Variants in PELI2 observed in about 807,000 individuals in gnomAD.
PELI2 encodes the protein E3 ubiquitin-protein ligase pellino homolog 2.
In PELI2, 23 loss-of-function variants were observed where a neutral mutation model predicts 42.3. The observed-to-expected ratio is 0.54, with a 90% CI of 0.39 to 0.77. The LOEUF (loss-of-function observed/expected upper bound fraction) is 0.77. PELI2 is among the 30% of genes least tolerant of loss of function. The probability of loss-of-function intolerance (pLI) is 0.00; values close to 1 mark genes in which losing one functional copy is unlikely to be tolerated. For synonymous variants in PELI2, 245 were observed against 212.2 expected (o/e 1.15, Z -1.34); for missense variants, 463 against 553.2 (o/e 0.84, Z 1.64).
intron 1 of PELI2, among the ~76,000 whole-genome samples, chr14:56,155,247 T>C (rs930478205): frequency 8.5e-5 from 13 of 152,098 alleles, no homozygotes; most frequent in African/African-American, 3.1e-4. Context: ...TGGGTTTTTT[T>C]TTTTGGTTAA....
chr14:56,189,698 C>G (rs557880559), intron 2 of PELI2, among the ~76,000 whole-genome samples: 1 of 152,280 alleles, frequency 6.6e-6, no homozygotes, highest in South Asian at 2.1e-4. Flanking sequence ...AACATTTGTA[C>G]TTACTTATTG....
At chr14:56,275,837 G>A (rs967100500) in intron 2 of PELI2, among the ~76,000 whole-genome samples, 20 of 152,288 alleles carry the variant, frequency 1.3e-4, no homozygotes, top group Middle Eastern at 3.4e-3. Context: ...ATGTTAAAGA[G>A]CTTTCTAAAT....
At chr14:56,283,023 T>C (rs537324681) in intron 3 of PELI2, among the ~76,000 whole-genome samples, 60 of 152,356 alleles carry the variant, frequency 3.9e-4, no homozygotes, top group African/African-American at 1.4e-3. Context: ...GTACCTGTTA[T>C]AGGTAAGTCA....
Position 56,134,288 on chromosome 14 carries a change from T to G in PELI2, c.77+15551T>G, listed in dbSNP as rs181844746. 2.7e-3 allele frequency among the ~76,000 whole-genome samples: 416 copies of G among 152,332 alleles called. 1 individual carries two copies. The highest frequency in any genetic ancestry group is 7.3e-3 in the Admixed American group (112 of 15,302). Reference sequence around the variant, plus strand: ...AAATGATCTTTCTTAGTATGTAGTATTAAAGTCTCCCCAGAAAAATCAACA... The same window carrying G: ...AAATGATCTTTCTTAGTATGTAGTAGTAAAGTCTCCCCAGAAAAATCAACA... On this transcript the variant is annotated intron_variant, in intron 1 of 5. Transcript: ENST00000267460.
intron 1 of PELI2, among the ~76,000 whole-genome samples, chr14:56,141,436 G>GT (rs941447861): frequency 3.9e-5 from 6 of 152,198 alleles, no homozygotes; most frequent in South Asian, 2.1e-4. Context: ...GGTCTGTTAG[G>GT]TTTTTTCTGA....
At chr14:56,198,559 A>C (rs1475751754) in intron 2 of PELI2, among the ~76,000 whole-genome samples, 1 of 152,192 alleles carries the variant, frequency 6.6e-6, no homozygotes, top group African/African-American at 2.4e-5. Context: ...ATGGTGGCTA[A>C]GGCAAATCTG....
intron 1 of PELI2, among the ~76,000 whole-genome samples, chr14:56,120,764 G>A (rs1883031675): frequency 6.6e-6 from 1 of 152,222 alleles, no homozygotes; most frequent in Non-Finnish European, 1.5e-5. Context: ...AAGTTCTGAA[G>A]AGGAGTTGAT....
At chr14:56,238,748 A>G (rs1887880131) in intron 2 of PELI2, among the ~76,000 whole-genome samples, 1 of 152,226 alleles carries the variant, frequency 6.6e-6, no homozygotes, top group Admixed American at 6.5e-5. Context: ...CGAAGCTTGT[A>G]TCTAAAAGCC....
chr14:56,214,469 A>G (rs1886827647), intron 2 of PELI2, among the ~76,000 whole-genome samples: 1 of 152,186 alleles, frequency 6.6e-6, no homozygotes, highest in Non-Finnish European at 1.5e-5. Context: ...CTTTGGTAGA[A>G]CATCCTTAAT....
Position 56,139,922 on chromosome 14 carries a change from C to T in PELI2, c.77+21185C>T, listed in dbSNP as rs1307765154. Among the ~76,000 whole-genome samples the T allele has an allele frequency of 4.3e-5, 6 of 139,878 alleles. No homozygotes were observed. The East Asian group carries it at 1.3e-3, about 31-fold the overall frequency. The allele number at this position is 139,878 out of a possible 152,430, so 91.8% of individuals were successfully genotyped here. On this transcript the variant is annotated intron_variant, in intron 1 of 5. Coordinates refer to ENST00000267460, the MANE Select transcript of PELI2 (RefSeq NM_021255.3). ...AGGTGAGATTTTAGTATTTGAAGTT[C>T]GTCATTTGTAGGGCAGCTCATTGCT...
intron 2 of PELI2, among the ~76,000 whole-genome samples, chr14:56,262,868 T>C (rs1014969256): frequency 6.6e-6 from 1 of 152,236 alleles, no homozygotes; most frequent in Non-Finnish European, 1.5e-5. Context: ...AGTTTTAATA[T>C]AGAATATGCT....
chr14:56,239,750 T>C (rs1203095036), intron 2 of PELI2, among the ~76,000 whole-genome samples: 1 of 152,098 alleles, frequency 6.6e-6, no homozygotes, highest in Non-Finnish European at 1.5e-5. Context: ...AAAGCACTGG[T>C]GATTTGGGAA....
intron 2 of PELI2, among the ~76,000 whole-genome samples, chr14:56,217,310 G>C (rs1886942642): frequency 6.6e-6 from 1 of 152,222 alleles, no homozygotes; most frequent in African/African-American, 2.4e-5. Context: ...CAGGCCTGTG[G>C]GCAGATCCTG....
At chr14:56,171,868 T>C (rs976629529) in intron 1 of PELI2, among the ~76,000 whole-genome samples, 12 of 151,932 alleles carry the variant, frequency 7.9e-5, no homozygotes, top group Non-Finnish European at 1.5e-4. Context: ...ATACCCAAAA[T>C]AGCTGGGCAT....
chr14:56,132,481 G>A (rs1883525637), intron 1 of PELI2, among the ~76,000 whole-genome samples: 1 of 152,162 alleles, frequency 6.6e-6, no homozygotes, highest in Non-Finnish European at 1.5e-5. Flanking sequence ...TCCTGTCGTG[G>A]GGTGGATAGC....
intron 1 of PELI2, among the ~76,000 whole-genome samples, chr14:56,133,947 C>T (rs903264158): frequency 1.3e-5 from 2 of 152,144 alleles, no homozygotes; most frequent in African/African-American, 4.8e-5. Flanking sequence ...CTTCTTTTTG[C>T]TGTACCCTGC....
intron 2 of PELI2, among the ~76,000 whole-genome samples, chr14:56,210,585 A>G (rs1361345771): frequency 1.3e-5 from 2 of 152,234 alleles, no homozygotes; most frequent in Non-Finnish European, 2.9e-5. Flanking sequence ...CCATTAGTTC[A>G]TATTTAAGTT....
chr14:56,178,541 T>G, intron 2 of PELI2, 77 bp downstream of exon 2: 2 of 1,506,774 alleles, frequency 1.3e-6, no homozygotes, highest in Non-Finnish European at 1.8e-6. Context: ...CTGCTCTCTT[T>G]CCTTTCGTCT....
At chr14:56,212,678 C>T (rs1886752882) in intron 2 of PELI2, among the ~76,000 whole-genome samples, 2 of 152,222 alleles carry the variant, frequency 1.3e-5, no homozygotes, top group South Asian at 2.1e-4. Flanking sequence ...CTGCCAAGCT[C>T]GTGTAGCAAG....
Sources: allele counts gnomAD v4.1 joint callset (sites outside exome capture counted in the v4.1 genomes callset), GRCh38; gene constraint gnomAD v4.1.1; transcripts MANE v1.5; gene names NCBI Gene and HGNC (gene_info 2026-07-23, HGNC 2026-07-21).